Variants in CLASRP observed in about 807,000 individuals in gnomAD.
CLASRP encodes the protein CLK4-associating serine/arginine rich protein.
In CLASRP, 52 loss-of-function variants were observed where a neutral mutation model predicts 99.9. The ratio of observed to expected loss-of-function variants is 0.52; its 90% CI spans 0.42 to 0.66. The LOEUF is 0.66. Among genes scored for constraint, CLASRP ranks in the 30% least tolerant of loss-of-function variants. The pLI, the probability that CLASRP is intolerant of heterozygous loss-of-function variation, is 0.00. For missense variants in CLASRP, 848 were observed against 999.2 expected (o/e 0.85, Z 2.04); for synonymous variants, 379 against 373.0 (o/e 1.02, Z -0.18).
intron 3 of CLASRP, 26 bp from the exon 4 acceptor site, chr19:45,052,761 TCTTG>T: frequency 6.5e-7 from 1 of 1,542,564 alleles, no homozygotes; most frequent in Non-Finnish European, 8.9e-7. Context: ...ACCCTGAGGT[TCTTG>T]CTTTCTTGCT....
At chr19:45,058,006 C>G in intron 7 of CLASRP, 108 bp downstream of exon 7, 1 of 1,402,782 alleles carries the variant, frequency 7.1e-7, no homozygotes, top group Admixed American at 2.0e-5. Context: ...GTGTCTCTCT[C>G]CCTACCCCGC....
Position 45,064,435 on chromosome 19 carries a change from G to T in CLASRP, c.1214G>T (p.Gly405Val). The change falls in exon 13 of 21, where the codon GGT (glycine) becomes GTT (valine). Residue 405 changes from glycine (G) to valine (V), a missense_variant. This residue lies in a region of CLASRP where 489 missense variants were observed against 434.7 expected (regional missense o/e 1.12). Coordinates refer to ENST00000221455, the MANE Select transcript of CLASRP (RefSeq NM_007056.3). ...SSRSSSRSRR[G>V]GGYYRSGRHA... ...CGCTCCAGCTCCCGCTCTCGCCGTGGTGGGGGCTACTACCGTTCCGGCCGC... is the reference window on the plus strand; with the variant it reads ...CGCTCCAGCTCCCGCTCTCGCCGTGTTGGGGGCTACTACCGTTCCGGCCGC... The T allele has an allele frequency of 6.5e-7, 1 of 1,528,198 alleles. No individual in the cohort carries two copies. The highest frequency in any genetic ancestry group is 8.8e-7 in the Non-Finnish European group (1 of 1,139,344). 94.7% of individuals were successfully genotyped at this position (1,528,198 alleles called of 1,614,324 possible).
intron 2 of CLASRP, among the ~76,000 whole-genome samples, chr19:45,044,624 C>T (rs766169207): frequency 1.3e-5 from 2 of 152,250 alleles, no homozygotes; most frequent in Non-Finnish European, 2.9e-5. Context: ...AAAAAATTAG[C>T]CAGGTTTGGT....
intron 2 of CLASRP, among the ~76,000 whole-genome samples, chr19:45,042,754 T>A (rs570953463): frequency 6.6e-6 from 1 of 152,142 alleles, no homozygotes; most frequent in East Asian, 1.9e-4. Context: ...GTAGCTGGAA[T>A]TACAGGCATG....
chr19:45,065,563 GAA>G (rs536324017), intron 13 of CLASRP, among the ~76,000 whole-genome samples: 11 of 113,398 alleles, frequency 9.7e-5, no homozygotes, highest in Admixed American at 3.6e-4. Flanking sequence ...TGCGTCTCAA[GAA>G]AAAAAAAAAA....
chr19:45,046,990 G>T (rs1332318301), intron 2 of CLASRP, among the ~76,000 whole-genome samples: 1 of 152,096 alleles, frequency 6.6e-6, no homozygotes, highest in Non-Finnish European at 1.5e-5. Flanking sequence ...TCACGCCATT[G>T]CAGCCCAGCC....
At position 45,052,168 on chromosome 19, in the gene CLASRP, T is replaced by C. The variant is rs201191094; in HGVS notation, c.197T>C (p.Met66Thr). Reference protein sequence around the residue: ...VALAAESPVNMMPWQGDTNNM... With the variant: ...VALAAESPVNTMPWQGDTNNM... ...CTGGCCGCTGAGAGCCCTGTTAATA[T>C]GTAAGACTGATATGGAAGGCAGGGG... Residue 66 changes from methionine (M) to threonine (T), a missense_variant and splice_region_variant, in exon 3 of 21, where the codon ATG becomes ACG. Around this residue, in one of 8 missense-constraint regions of CLASRP, gnomAD observed 46 missense variants for 96.8 expected, o/e 0.48. Transcript: ENST00000221455. 1.2e-6 allele frequency: 2 copies of C among 1,613,312 alleles called. No individual in the cohort carries two copies. The highest frequency in any genetic ancestry group is 2.2e-5 in the East Asian group (1 of 44,868).
At chr19:45,056,795 T>G (rs1377474141) in intron 6 of CLASRP, among the ~76,000 whole-genome samples, 2 of 152,188 alleles carry the variant, frequency 1.3e-5, no homozygotes, top group African/African-American at 4.8e-5. Context: ...GCCCTGGGTT[T>G]GAGTCCTGGC....
chr19:45,066,622 CAA>C (rs35834419), intron 13 of CLASRP, among the ~76,000 whole-genome samples: 1 of 18,664 alleles, frequency 5.4e-5, no homozygotes, highest in Admixed American at 5.7e-4. Context: ...GAGACTGTCT[CAA>C]AAAAAAAAAA....
chr19:45,065,035 G>C (rs899441583), intron 13 of CLASRP, among the ~76,000 whole-genome samples: 1 of 152,024 alleles, frequency 6.6e-6, no homozygotes, highest in East Asian at 1.9e-4. Context: ...CCTTGCGGAG[G>C]GGGAGGGGCG....
intron 2 of CLASRP, among the ~76,000 whole-genome samples, chr19:45,047,763 ATGG>A (rs1193816733): frequency 2.3e-4 from 35 of 152,268 alleles, no homozygotes; most frequent in African/African-American, 8.2e-4. Flanking sequence ...AAATGTTAAG[ATGG>A]TAAATGTTTT....
chr19:45,062,876 C>A (rs1295373351), intron 11 of CLASRP, among the ~76,000 whole-genome samples: 1 of 152,086 alleles, frequency 6.6e-6, no homozygotes, highest in Non-Finnish European at 1.5e-5. Context: ...AGGTCGTTGT[C>A]TCGTGGATGA....
In CLASRP at chr19:45,056,542, G is replaced by A. The variant is rs1282630227; in HGVS notation, c.464+8G>A. 1.9e-5 allele frequency: 30 copies of A among 1,612,216 alleles called. No homozygotes were observed. In the South Asian group the frequency reaches 1.9e-4, roughly 10 times the overall value. On this transcript the variant is annotated splice_region_variant and intron_variant, in intron 6 of 20. Transcript: ENST00000221455. Reference sequence around the variant, plus strand: ...CGAAGATGAGAAGAAGAAGTGAGTCGGGGTCTGGGGTGCAGGGGGTTGAGG... The same window carrying A: ...CGAAGATGAGAAGAAGAAGTGAGTCAGGGTCTGGGGTGCAGGGGGTTGAGG...
At position 45,060,613 on chromosome 19, in the gene CLASRP, G is replaced by A. The variant is rs1412748905; in HGVS notation, c.849G>A (p.Lys283=). The A allele has an allele frequency of 1.2e-6, 2 of 1,605,804 alleles. No individual in the cohort carries two copies. The highest frequency in any genetic ancestry group is 2.2e-5 in the South Asian group (2 of 89,948). Residue 283 remains lysine (K), a synonymous_variant, in exon 10 of 21, where the codon AAG becomes AAA. Transcript: ENST00000221455. This position sits in a 1 kb window ranked among gnomAD's most constrained non-coding sequence, Gnocchi z 4.6. The part of the protein sequence containing the change: ...EFREKRLRGR[K]ISPPSYARRD... ...GGGAGAAGCGGCTGAGGGGTCGCAA[G>A]ATCAGCCCACCCAGGTAGGGCTTCT...
Position 45,064,607 on chromosome 19 carries a change from T to C in CLASRP, c.1386T>C (p.Gly462=). 1 of 1,551,778 alleles carries C rather than the reference T, an allele frequency of 6.4e-7. No homozygotes were observed. Among genetic ancestry groups the C allele is most frequent in the Non-Finnish European group, 8.7e-7 (1 of 1,154,790 alleles). The change falls in exon 13 of 21, where the codon GGT becomes GGC. Residue 462 remains glycine, a synonymous_variant. Coordinates refer to ENST00000221455, the MANE Select transcript of CLASRP (RefSeq NM_007056.3). Reference sequence around the variant, plus strand: ...CCCGCTCGCCCGCCCGGCGTGGTGGTTACGGGCCCCGGCGCAGAAGCAGGT... The same window carrying C: ...CCCGCTCGCCCGCCCGGCGTGGTGGCTACGGGCCCCGGCGCAGAAGCAGGT... The part of the protein sequence containing the change: ...RYSRSPARRG[G]YGPRRRSRSR...
chr19:45,048,571 A>G (rs1416436159), intron 2 of CLASRP, among the ~76,000 whole-genome samples: 2 of 151,028 alleles, frequency 1.3e-5, no homozygotes, highest in African/African-American at 4.9e-5. Flanking sequence ...CAAATAAATA[A>G]AAAGAAGCAG....
chr19:45,064,822 G>A (rs1253665808), intron 13 of CLASRP, among the ~76,000 whole-genome samples, 192 bp downstream of exon 13: 1 of 152,232 alleles, frequency 6.6e-6, no homozygotes, highest in Non-Finnish European at 1.5e-5. Context: ...GTGTTTGCGT[G>A]CGCGTTCTGG....
At chr19:45,061,998 G>A (rs889909397) in intron 10 of CLASRP, among the ~76,000 whole-genome samples, 156 bp from the exon 11 acceptor site, 2 of 150,904 alleles carry the variant, frequency 1.3e-5, no homozygotes, top group East Asian at 3.9e-4. Flanking sequence ...GTGGGGGTGG[G>A]TGGAGGAATT....
chr19:45,052,304 G>A (rs980497238), intron 3 of CLASRP, 136 bp downstream of exon 3: 10 of 684,744 alleles, frequency 1.5e-5, no homozygotes, highest in African/African-American at 3.5e-5. Flanking sequence ...GGTGTGACCC[G>A]CATATGAAGG....
Sources: allele counts gnomAD v4.1 joint callset (sites outside exome capture counted in the v4.1 genomes callset), GRCh38; gene constraint gnomAD v4.1.1; regional missense constraint gnomAD v4.1.1; non-coding constraint Gnocchi (gnomAD v3.1); transcripts MANE v1.5; gene names NCBI Gene and HGNC (gene_info 2026-07-23, HGNC 2026-07-21).